Variants in DPP6 observed in about 807,000 individuals in gnomAD.
DPP6 encodes the protein A-type potassium channel modulatory protein DPP6.
DPP6 carries 69 observed loss-of-function variants against 122.6 expected under a neutral mutation model. That is an observed-to-expected ratio of 0.56 (90% CI 0.46 to 0.69). The LOEUF (loss-of-function observed/expected upper bound fraction) is 0.69, where lower values mean the gene tolerates loss of function less well. Ranked by LOEUF, DPP6 falls within the 30% of genes least tolerant of loss-of-function variation. The probability of loss-of-function intolerance (pLI) is 0.00; values close to 1 mark genes in which losing one functional copy is unlikely to be tolerated. For missense variants in DPP6, 928 were observed against 1,116.9 expected (o/e 0.83, Z 2.41); for synonymous variants, 418 against 433.1 (o/e 0.97, Z 0.43).
At chr7:154,557,410 A>G (rs541788173) in intron 4 of DPP6, among the ~76,000 whole-genome samples, 1 of 152,276 alleles carries the variant, frequency 6.6e-6, no homozygotes, top group East Asian at 1.9e-4. Context: ...TTTTGGTGTT[A>G]TTGCGTATCA....
At chr7:154,436,109 T>A (rs1407876065) in intron 1 of DPP6, among the ~76,000 whole-genome samples, 3 of 151,978 alleles carry the variant, frequency 2.0e-5, no homozygotes, top group Non-Finnish European at 4.4e-5. Context: ...GGAACTTATT[T>A]GAGGTGGCTT....
intron 16 of DPP6, among the ~76,000 whole-genome samples, chr7:154,853,547 CTT>C (rs1802569267): frequency 6.6e-6 from 1 of 152,216 alleles, no homozygotes; most frequent in African/African-American, 2.4e-5. Context: ...AAAATATGGA[CTT>C]TGAGTTGGGT....
At chr7:154,305,449 C>A (rs754746493) in intron 1 of DPP6, 1 of 1,546,732 alleles carries the variant, frequency 6.5e-7, no homozygotes. Flanking sequence ...CCCAACTCGC[C>A]GTCAGACCCC....
intron 1 of DPP6, among the ~76,000 whole-genome samples, chr7:154,273,798 A>C (rs1803953407): frequency 6.6e-6 from 1 of 152,252 alleles, no homozygotes; most frequent in African/African-American, 2.4e-5. Flanking sequence ...GCACAAGCAA[A>C]GAAACAGTTA....
chr7:153,825,368 C>CTT, the DPP6 span, among the ~76,000 whole-genome samples: 2 of 152,034 alleles, frequency 1.3e-5, no homozygotes, highest in South Asian at 4.1e-4. Context: ...TCCCAATCCC[C>CTT]TTTGAAGTCT....
intron 20 of DPP6, chr7:154,876,384 C>A (rs541014078): frequency 4.0e-5 from 16 of 395,584 alleles, no homozygotes; most frequent in Admixed American, 1.4e-4. Flanking sequence ...GGCTTTTCTG[C>A]GCTGTGGTCA....
At chr7:154,829,754 C>G (rs569876270) in intron 16 of DPP6, among the ~76,000 whole-genome samples, 1 of 152,244 alleles carries the variant, frequency 6.6e-6, no homozygotes, top group Admixed American at 6.5e-5. Context: ...CTAAGAGGAA[C>G]TGCAGACCAC....
At chr7:154,815,778 C>T (rs1420208734) in intron 16 of DPP6, among the ~76,000 whole-genome samples, 2 of 152,202 alleles carry the variant, frequency 1.3e-5, no homozygotes, top group African/African-American at 4.8e-5. Context: ...GCTCTCACCC[C>T]CGCCCCTTTC....
intron 7 of DPP6, among the ~76,000 whole-genome samples, chr7:154,713,671 C>T (rs930991427): frequency 1.7e-4 from 26 of 152,148 alleles, no homozygotes; most frequent in African/African-American, 5.1e-4. Flanking sequence ...GCACCAAGTC[C>T]CAAGTCTGCA....
rs750960497 is a variant in DPP6 at position 154,892,814 on chromosome 7, G to GC, written c.*338dup. 2 of 567,426 alleles carry GC rather than the reference G, an allele frequency of 3.5e-6. No homozygotes were observed. The highest frequency in any genetic ancestry group is 6.8e-6 in the Non-Finnish European group (2 of 292,630). The allele number at this position is 567,426 out of a possible 1,614,324, so 35.1% of individuals were successfully genotyped here. Reference sequence around the variant, plus strand: ...CCCCACGCGAGCCCACAGGACACCGGCCCCTAGATTCCAGCCACCAAGCGG... The same window carrying GC: ...CCCCACGCGAGCCCACAGGACACCGGCCCCCTAGATTCCAGCCACCAAGCGG... On this transcript the variant is annotated 3_prime_UTR_variant, in exon 26 of 26. Coordinates refer to ENST00000377770, the MANE Select transcript of DPP6 (RefSeq NM_130797.4).
At chr7:154,884,698 CACAGGCACACATGATCACACAT>C (rs1805969072) in intron 21 of DPP6, 1 of 70,060 alleles carries the variant, frequency 1.4e-5, no homozygotes, top group Non-Finnish European at 2.9e-5. Context: ...CACATGATCA[CACAGGCACACATGATCACACAT>C]ACACAGGCTT....
intron 6 of DPP6, among the ~76,000 whole-genome samples, chr7:154,668,033 T>C (rs1227281622): frequency 2.0e-5 from 3 of 150,558 alleles, no homozygotes; most frequent in African/African-American, 7.3e-5. Context: ...GTATTTTCTA[T>C]TGATTCCAGT....
chr7:153,898,350 G>A (rs1799496230), intron 1 of DPP6, among the ~76,000 whole-genome samples: 1 of 152,154 alleles, frequency 6.6e-6, no homozygotes, highest in Non-Finnish European at 1.5e-5. Context: ...TACTTGGGAG[G>A]CTTAGGTGCA....
intron 16 of DPP6, among the ~76,000 whole-genome samples, chr7:154,842,990 T>C (rs1213363238): frequency 1.3e-5 from 2 of 152,256 alleles, no homozygotes; most frequent in Admixed American, 6.5e-5. Context: ...ACGTTTTTGC[T>C]GATGCATATG....
At chr7:153,760,860 C>T in the DPP6 span, among the ~76,000 whole-genome samples, 2 of 152,280 alleles carry the variant, frequency 1.3e-5, no homozygotes, top group East Asian at 3.9e-4. Context: ...GTGCCCTGTT[C>T]TGTACTCAGC....
intron 3 of DPP6, among the ~76,000 whole-genome samples, chr7:154,537,377 TAGTA>T (rs1233830937): frequency 3.3e-5 from 5 of 152,156 alleles, no homozygotes; most frequent in Non-Finnish European, 7.3e-5. Context: ...TATTGGAAGA[TAGTA>T]AGAAGTTTGA....
chr7:154,406,969 A>G (rs1207107300), intron 1 of DPP6, among the ~76,000 whole-genome samples: 1 of 152,176 alleles, frequency 6.6e-6, no homozygotes, highest in East Asian at 1.9e-4. Flanking sequence ...TCATCCACTA[A>G]TAGCTCAGGC....
chr7:154,333,094 A>G (rs374572046), intron 1 of DPP6, among the ~76,000 whole-genome samples: 135 of 152,254 alleles, frequency 8.9e-4, no homozygotes, highest in African/African-American at 3.0e-3. Context: ...CGTGATAGCA[A>G]ATGTTCCCTT....
At chr7:154,076,153 T>G (rs1276991770) in intron 1 of DPP6, among the ~76,000 whole-genome samples, 1 of 152,070 alleles carries the variant, frequency 6.6e-6, no homozygotes, top group Non-Finnish European at 1.5e-5. Context: ...TTAAAATATT[T>G]TTTTTTAAAA....
Sources: allele counts gnomAD v4.1 joint callset (sites outside exome capture counted in the v4.1 genomes callset), GRCh38; gene constraint gnomAD v4.1.1; transcripts MANE v1.5; gene names NCBI Gene and HGNC (gene_info 2026-07-23, HGNC 2026-07-21).